The following ZNF462 variants were observed in gnomAD, a reference collection of about 807,000 sequenced individuals.
ZNF462 encodes zinc finger protein 462, also known as zinc finger PBX1-interacting protein.
Under a neutral mutation model 201.9 loss-of-function variants are expected in ZNF462, and 10 were observed. That is an observed-to-expected ratio of 0.05 (90% confidence interval 0.03 to 0.08). The LOEUF is 0.08. ZNF462 is among the 10% of genes least tolerant of loss of function. The pLI, the probability that ZNF462 is intolerant of heterozygous loss-of-function variation, is 1.00. For missense variants in ZNF462, 2,523 were observed against 3,168.3 expected (o/e 0.80, Z 4.89); for synonymous variants, 1,227 against 1,193.3 (o/e 1.03, Z -0.58).
At position 106,933,348 on chromosome 9, in the gene ZNF462, GTGT is replaced by G. The variant is rs933500889; in HGVS notation, c.6116+801_6116+803del. ...GGTTGTTGAACAGAAGAAGGAGGTG[GTGT>G]TTTCACAGAGGTTAGGATGGGTTGT... On this transcript the variant is annotated intron_variant, in intron 5 of 12. Coordinates refer to ENST00000277225, the MANE Select transcript of ZNF462 (RefSeq NM_021224.6). This position sits in a 1 kb window ranked among gnomAD's most constrained non-coding sequence, Gnocchi z 4.3. The G allele has an allele frequency of 1.3e-5, 2 of 152,222 alleles. No individual in the cohort carries two copies. The highest frequency in any genetic ancestry group is 2.4e-5 in the African/African-American group (1 of 41,440). 9.4% of individuals were successfully genotyped at this position (152,222 alleles called of 1,614,324 possible).
At position 106,923,612 on chromosome 9, in the gene ZNF462, A is replaced by C. The variant is rs372631746; in HGVS notation, c.220+9A>C. On this transcript the variant is annotated intron_variant, in intron 2 of 12. Transcript: ENST00000277225. The surrounding 1 kb of genome is among the most constrained non-coding windows in gnomAD (Gnocchi z 5.6). ...TGCAGAAGATTTATCAGGTAAATCT[A>C]TACTAAACTTGGCACGGCCGATGTA... 7 of 1,612,014 alleles carry C rather than the reference A, an allele frequency of 4.3e-6. No homozygotes were observed. In the South Asian group the frequency reaches 4.4e-5, roughly 10 times the overall value.
chr9:106,974,672 A>G lies in ZNF462; in HGVS notation c.6832+399A>G, dbSNP rs1321583586. 1 of 262,240 alleles carries G rather than the reference A, an allele frequency of 3.8e-6. No individual in the cohort carries two copies. The highest frequency in any genetic ancestry group is 2.2e-5 in the African/African-American group (1 of 45,908). The allele number at this position is 262,240 out of a possible 1,614,324, so 16.2% of individuals were successfully genotyped here. A position where few individuals can be genotyped will look rare whatever the true frequency, so the allele number is the denominator to read the frequency against. On this transcript the variant is annotated intron_variant, in intron 9 of 12. Transcript: ENST00000277225. This position sits in a 1 kb window ranked among gnomAD's most constrained non-coding sequence, Gnocchi z 4.0. ...TATGGCTGTGAGAGATTCTTTCAAG[A>G]AGACCAAAATGATTTCCAAAGCAGA...
rs766116575 is a variant in ZNF462, at chr9:106,926,615, C to T, written c.2703C>T (p.Leu901=). 1 of 1,614,106 alleles carries T rather than the reference C, an allele frequency of 6.2e-7. No homozygotes were observed. The highest frequency in any genetic ancestry group is 1.1e-5 in the South Asian group (1 of 91,066). Residue 901 remains leucine (L), a synonymous_variant, in exon 3 of 13, where the codon CTC becomes CTT. Transcript: ENST00000277225. This position sits in a 1 kb window ranked among gnomAD's most constrained non-coding sequence, Gnocchi z 7.9. ...CYIDYTNFED[L]QQHYGEHHPE... Reference sequence around the variant, plus strand: ...TCGATTACACCAACTTCGAAGATCTCCAGCAGCATTATGGCGAGCACCACC... The same window carrying T: ...TCGATTACACCAACTTCGAAGATCTTCAGCAGCATTATGGCGAGCACCACC...
chr9:106,923,675 G>A lies in ZNF462; in HGVS notation c.220+72G>A. ...TTGTTTCCTTTTAGCCTGTAGCCAT[G>A]GTTCTTAATATACGTGGCTTTTGCA... On this transcript the variant is annotated intron_variant, in intron 2 of 12. Coordinates refer to ENST00000277225, the MANE Select transcript of ZNF462 (RefSeq NM_021224.6). This position sits in a 1 kb window ranked among gnomAD's most constrained non-coding sequence, Gnocchi z 5.6. 3.3e-6 allele frequency: 5 copies of A among 1,514,964 alleles called. No homozygotes were observed. Among genetic ancestry groups the A allele is most frequent in the Non-Finnish European group, 4.5e-6 (5 of 1,099,878 alleles). 93.8% of individuals were successfully genotyped at this position (1,514,964 alleles called of 1,614,324 possible).
intron 1 of ZNF462, among the ~76,000 whole-genome samples, chr9:106,908,128 CG>C (rs1167646658): frequency 6.6e-6 from 1 of 151,920 alleles, no homozygotes; most frequent in Non-Finnish European, 1.5e-5. Context: ...TAAACCTCCA[CG>C]GGCACTTGAA....
chr9:106,869,638 G>C (rs78710620), intron 1 of ZNF462, among the ~76,000 whole-genome samples: 5 of 152,312 alleles, frequency 3.3e-5, no homozygotes, highest in Non-Finnish European at 4.4e-5. Context: ...GTAAACAGTT[G>C]AACCTCAGTG....
In ZNF462 at chr9:106,950,485, C is replaced by T. The variant is rs1831293561; in HGVS notation, c.6427+11378C>T. Among the ~76,000 whole-genome samples, 1 of 151,996 alleles carries T rather than the reference C, an allele frequency of 6.6e-6. No individual in the cohort carries two copies. Among genetic ancestry groups the T allele is most frequent in the Admixed American group, 6.6e-5 (1 of 15,242 alleles). On this transcript the variant is annotated intron_variant, in intron 7 of 12. Coordinates refer to ENST00000277225, the MANE Select transcript of ZNF462 (RefSeq NM_021224.6). The surrounding 1 kb of genome is among the most constrained non-coding windows in gnomAD (Gnocchi z 4.1). ...TTTTATAGTATTTTAAAATTTTGCC[C>T]ATGGGTAAGTTTTTAATTAGGGATA... is the stretch of plus-strand genomic sequence containing the variant.
At chr9:106,863,007 G>C, upstream of ZNF462, 2 of 396,804 alleles carry the variant, frequency 5.0e-6, no homozygotes, top group South Asian at 1.4e-4. Flanking sequence ...TTCAGAGAGA[G>C]ACACAGAGGG....
Position 106,929,817 on chromosome 9 carries a change from A to G in ZNF462, c.5847+58A>G. On this transcript the variant is annotated intron_variant, in intron 3 of 12. Coordinates refer to ENST00000277225, the MANE Select transcript of ZNF462 (RefSeq NM_021224.6). The surrounding 1 kb of genome is among the most constrained non-coding windows in gnomAD (Gnocchi z 8.7). ...GAGGCCTCTCATCACTGGTGCCCAC[A>G]TGCACTTCTTCGTTGCCAGCCAAAC... is the stretch of plus-strand genomic sequence containing the variant. The G allele has an allele frequency of 6.7e-7, 1 of 1,483,256 alleles. No individual in the cohort carries two copies. Among genetic ancestry groups the G allele is most frequent in the Non-Finnish European group, 9.1e-7 (1 of 1,093,408 alleles). The allele number at this position is 1,483,256 out of a possible 1,614,324, so 91.9% of individuals were successfully genotyped here.
rs1191055153 is a variant in ZNF462, at chr9:107,006,626, T to C, written c.7190-2919T>C. Among the ~76,000 whole-genome samples, 1 of 152,112 alleles carries C rather than the reference T, an allele frequency of 6.6e-6. No homozygotes were observed. The highest frequency in any genetic ancestry group is 1.5e-5 in the Non-Finnish European group (1 of 68,030). On this transcript the variant is annotated intron_variant, in intron 11 of 12. Transcript: ENST00000277225. This position sits in a 1 kb window ranked among gnomAD's most constrained non-coding sequence, Gnocchi z 4.3. ...ACATTAAGGAAGCCTATTGGTGGGCTACTTCCCTCCAAGGTGTTCCCTGTT... is the reference window on the plus strand; with the variant it reads ...ACATTAAGGAAGCCTATTGGTGGGCCACTTCCCTCCAAGGTGTTCCCTGTT...
intron 1 of ZNF462, among the ~76,000 whole-genome samples, chr9:106,893,612 G>T (rs1241713180): frequency 2.0e-5 from 3 of 152,162 alleles, no homozygotes; most frequent in Non-Finnish European, 4.4e-5. Context: ...AAACTAATAT[G>T]TCGAAAGCAA....
intron 7 of ZNF462, among the ~76,000 whole-genome samples, chr9:106,965,483 TGAG>T (rs914403124): frequency 6.6e-6 from 1 of 151,932 alleles, no homozygotes; most frequent in Admixed American, 6.6e-5. Flanking sequence ...AAGGCAGGAC[TGAG>T]GAGGAAAATG....
chr9:106,971,753 G>A (rs1187783676), intron 7 of ZNF462, among the ~76,000 whole-genome samples: 1 of 152,098 alleles, frequency 6.6e-6, no homozygotes, highest in African/African-American at 2.4e-5. Flanking sequence ...TCTTAGGTGT[G>A]TTCCCTGCAC....
At chr9:106,994,010 ATGCAATACCTT>A (rs1461320975) in intron 10 of ZNF462, among the ~76,000 whole-genome samples, 1 of 152,158 alleles carries the variant, frequency 6.6e-6, no homozygotes, top group Non-Finnish European at 1.5e-5. Flanking sequence ...GAAAGTTTAT[ATGCAATACCTT>A]GTTAGTGTTC....
At chr9:106,964,126 T>C (rs1433688130) in intron 7 of ZNF462, among the ~76,000 whole-genome samples, 1 of 152,022 alleles carries the variant, frequency 6.6e-6, no homozygotes, top group African/African-American at 2.4e-5. Context: ...AATGCTGTAG[T>C]GAACATGGGA....
intron 10 of ZNF462, among the ~76,000 whole-genome samples, chr9:106,988,761 G>C (rs763848291): frequency 1.3e-5 from 2 of 152,012 alleles, no homozygotes; most frequent in Admixed American, 1.3e-4. Context: ...TGCCTCCTTT[G>C]TTAGGTATAT....
chr9:106,984,785 T>G lies in ZNF462; in HGVS notation c.7056+376T>G, dbSNP rs1344736059. Among the ~76,000 whole-genome samples, 1 of 152,240 alleles carries G rather than the reference T, an allele frequency of 6.6e-6. No individual in the cohort carries two copies. On this transcript the variant is annotated intron_variant, in intron 10 of 12. Coordinates refer to ENST00000277225, the MANE Select transcript of ZNF462 (RefSeq NM_021224.6). This position sits in a 1 kb window ranked among gnomAD's most constrained non-coding sequence, Gnocchi z 6.4. ...TATTTTGCTATGTTATTTGAAATGTTAATACATTTTAAATGACAGGGTTTG... is the reference window on the plus strand; with the variant it reads ...TATTTTGCTATGTTATTTGAAATGTGAATACATTTTAAATGACAGGGTTTG...
intron 10 of ZNF462, among the ~76,000 whole-genome samples, chr9:106,996,207 G>A (rs556983095): frequency 1.3e-5 from 2 of 152,132 alleles, no homozygotes; most frequent in Non-Finnish European, 2.9e-5. Flanking sequence ...TCTTAATCCA[G>A]TCTATTATTG....
In ZNF462 at chr9:106,928,105, G is replaced by T. The variant is rs1830275818; in HGVS notation, c.4193G>T (p.Gly1398Val). Residue 1398 changes from glycine (G) to valine (V), a missense_variant, in exon 3 of 13, where the codon GGT becomes GTT. By Grantham distance (109) the Gly-to-Val change is moderately radical. Around this residue, in one of 15 missense-constraint regions of ZNF462, gnomAD observed 165 missense variants for 142.6 expected, o/e 1.16. Coordinates refer to ENST00000277225, the MANE Select transcript of ZNF462 (RefSeq NM_021224.6). The surrounding 1 kb of genome is among the most constrained non-coding windows in gnomAD (Gnocchi z 9.3). ...GCATTCCACCCCTGGGCCATGAATG[G>T]TGATGAGTCAGTGCTACTGGACATC... ...YQAFHPWAMN[G>V]DESVLLDIIK... The T allele has an allele frequency of 6.2e-7, 1 of 1,614,074 alleles. No individual in the cohort carries two copies. Among genetic ancestry groups the T allele is most frequent in the Non-Finnish European group, 8.5e-7 (1 of 1,180,050 alleles).
Sources: gnomAD v4.1 joint callset for allele counts (sites outside exome capture counted in the v4.1 genomes callset) on GRCh38, gnomAD v4.1.1 for gene constraint, gnomAD v4.1.1 regional missense constraint, Gnocchi (gnomAD v3.1) non-coding constraint, MANE v1.5 for transcripts, NCBI Gene and HGNC (gene_info 2026-07-23, HGNC 2026-07-21) for gene names.